The following BAZ2B variants were observed in gnomAD, a reference collection of about 807,000 sequenced individuals.
The protein encoded by BAZ2B is bromodomain adjacent to zinc finger domain 2B, also known as bromodomain adjacent to zinc finger domain protein 2B.
Under a neutral mutation model 246.0 loss-of-function variants are expected in BAZ2B, and 91 were observed. The ratio of observed to expected loss-of-function variants is 0.37; its 90% CI spans 0.31 to 0.44. The LOEUF is 0.44. Among genes scored for constraint, BAZ2B ranks in the 20% least tolerant of loss-of-function variants. The pLI is 1.00. For synonymous variants in BAZ2B, 855 were observed against 860.0 expected, an observed-to-expected ratio of 0.99 and a Z score of 0.10; for missense variants, 2,332 against 2,533.7, an observed-to-expected ratio of 0.92 and a Z score of 1.71.
At chr2:159,479,168 C>A (rs1375383920) in intron 2 of BAZ2B, among the ~76,000 whole-genome samples, 1 of 152,074 alleles carries the variant, frequency 6.6e-6, no homozygotes, top group Non-Finnish European at 1.5e-5. Context: ...ATACTTGTAG[C>A]TCTTAAGTGT....
chr2:159,345,979 G>A (rs938078572), intron 31 of BAZ2B, among the ~76,000 whole-genome samples: 6 of 152,046 alleles, frequency 3.9e-5, no homozygotes, highest in Admixed American at 6.6e-5. Flanking sequence ...TAACATAAGC[G>A]ATCCAAAAAC....
chr2:159,681,372 T>C, the BAZ2B span, among the ~76,000 whole-genome samples: 65 of 150,234 alleles, frequency 4.3e-4, no homozygotes, highest in African/African-American at 1.5e-3. Flanking sequence ...GGATAATAAA[T>C]TATAAAACAA....
chr2:159,674,550 A>T, the BAZ2B span, among the ~76,000 whole-genome samples: 1 of 152,086 alleles, frequency 6.6e-6, no homozygotes, highest in South Asian at 2.1e-4. Flanking sequence ...CTGCATCTCT[A>T]CTAAAAAATA....
chr2:159,533,669 C>T (rs2085612290), intron 2 of BAZ2B, among the ~76,000 whole-genome samples: 1 of 152,110 alleles, frequency 6.6e-6, no homozygotes, highest in Non-Finnish European at 1.5e-5. Flanking sequence ...ACAAGTATAA[C>T]TAATAACACA....
intron 20 of BAZ2B, 87 bp downstream of exon 20, chr2:159,395,682 T>G: frequency 8.1e-7 from 1 of 1,233,022 alleles, no homozygotes; most frequent in Non-Finnish European, 1.1e-6. Context: ...AAACCTATAT[T>G]CTGAAAAATT....
chr2:159,336,794 A>G (rs1349359929), intron 33 of BAZ2B, 148 bp downstream of exon 33: 1 of 674,510 alleles, frequency 1.5e-6, no homozygotes, highest in African/African-American at 1.9e-5. Flanking sequence ...GGAGGAAAGT[A>G]TCAAAAATCT....
At chr2:159,364,275 T>C (rs896517477) in intron 27 of BAZ2B, among the ~76,000 whole-genome samples, 2 of 152,152 alleles carry the variant, frequency 1.3e-5, no homozygotes, top group Admixed American at 6.5e-5. Flanking sequence ...GGGTTTGGAG[T>C]CCATGTTACC....
chr2:159,355,494 C>T lies in BAZ2B; in HGVS notation c.4214-5137G>A, dbSNP rs183168386. On this transcript the variant is annotated intron_variant, in intron 27 of 36. Transcript: ENST00000392783. ...AAACCATTACCCTTAATGAAAGATT[C>T]TCACATTTCCATGGTAGCAATTACA... Among the ~76,000 whole-genome samples the T allele has an allele frequency of 1.6e-3, 238 of 152,266 alleles. 1 individual carries two copies. The highest frequency in any genetic ancestry group is 5.1e-3 in the African/African-American group (214 of 41,554).
At chr2:159,582,681 G>A (rs1413607367) in intron 1 of BAZ2B, among the ~76,000 whole-genome samples, 1 of 151,956 alleles carries the variant, frequency 6.6e-6, no homozygotes, top group East Asian at 1.9e-4. Context: ...CACTGGGCCT[G>A]GATGTTCATA....
the BAZ2B span, among the ~76,000 whole-genome samples, chr2:159,704,337 G>A: frequency 5.9e-5 from 9 of 152,172 alleles, no homozygotes; most frequent in Non-Finnish European, 1.5e-5. Context: ...GAAAAAATAA[G>A]TTAACATCAT....
the BAZ2B span, among the ~76,000 whole-genome samples, chr2:159,704,718 G>A: frequency 6.6e-6 from 1 of 151,880 alleles, no homozygotes. Context: ...CTGAATTCAG[G>A]TGGTCCACCC....
chr2:159,528,333 T>G (rs1194052771), intron 2 of BAZ2B, among the ~76,000 whole-genome samples: 1 of 151,990 alleles, frequency 6.6e-6, no homozygotes, highest in African/African-American at 2.4e-5. Context: ...AAGATGGATT[T>G]GAGAAATATT....
intron 1 of BAZ2B, among the ~76,000 whole-genome samples, chr2:159,599,414 T>A (rs911939083): frequency 2.1e-5 from 3 of 142,398 alleles, no homozygotes; most frequent in Non-Finnish European, 3.0e-5. Context: ...AGGCTGGGAG[T>A]TTGAGACCAG....
intron 27 of BAZ2B, among the ~76,000 whole-genome samples, chr2:159,352,591 T>C (rs1021350376): frequency 1.3e-5 from 2 of 152,018 alleles, no homozygotes; most frequent in Non-Finnish European, 2.9e-5. Context: ...GCTCAAGTGA[T>C]TCTCCCAACT....
chr2:159,383,883 A>G (rs1442778199), intron 23 of BAZ2B, among the ~76,000 whole-genome samples: 1 of 152,052 alleles, frequency 6.6e-6, no homozygotes, highest in Non-Finnish European at 1.5e-5. Context: ...AACTTCTTCA[A>G]TGGATACAAC....
the BAZ2B span, among the ~76,000 whole-genome samples, chr2:159,660,645 T>C: frequency 6.6e-6 from 1 of 152,216 alleles, no homozygotes; most frequent in Non-Finnish European, 1.5e-5. Context: ...AGTCTCACTC[T>C]GTTGCCCAGG....
chr2:159,487,727 G>T (rs780677525), intron 2 of BAZ2B, among the ~76,000 whole-genome samples: 1 of 150,324 alleles, frequency 6.7e-6, no homozygotes. Flanking sequence ...CAAACAACCA[G>T]AAGAAAGAAC....
chr2:159,645,292 T>A, the BAZ2B span, among the ~76,000 whole-genome samples: 11 of 151,570 alleles, frequency 7.3e-5, no homozygotes, highest in Admixed American at 4.0e-4. Context: ...TTTTTTTTTT[T>A]AAATCACCTC....
At chr2:159,420,003 T>C (rs1183209858) in intron 13 of BAZ2B, 2 of 152,248 alleles carry the variant, frequency 1.3e-5, no homozygotes, top group Non-Finnish European at 2.9e-5. Flanking sequence ...GTTGCCCACC[T>C]TACTGTGAAG....
Sources: allele counts gnomAD v4.1 joint callset (sites outside exome capture counted in the v4.1 genomes callset), GRCh38; gene constraint gnomAD v4.1.1; transcripts MANE v1.5; gene names NCBI Gene and HGNC (gene_info 2026-07-23, HGNC 2026-07-21).